Variants in MB21D2 observed in about 807,000 individuals in gnomAD.
MB21D2 encodes the protein Mab-21 domain containing 2.
MB21D2 carries 9 observed loss-of-function variants against 33.3 expected under a neutral mutation model. The ratio of observed to expected loss-of-function variants is 0.27; its 90% CI spans 0.16 to 0.47. MB21D2 has a LOEUF of 0.47. Ranked by LOEUF, MB21D2 falls within the 20% of genes least tolerant of loss-of-function variation. The pLI, the probability that MB21D2 is intolerant of heterozygous loss-of-function variation, is 0.99. For synonymous variants in MB21D2, 241 were observed against 236.3 expected (o/e 1.02, Z -0.18); for missense variants, 540 against 624.6 (o/e 0.86, Z 1.44).
chr3:192,803,440 CA>C (rs1181157788), intron 1 of MB21D2, among the ~76,000 whole-genome samples: 1 of 152,108 alleles, frequency 6.6e-6, no homozygotes, highest in African/African-American at 2.4e-5. Flanking sequence ...CTATAAGAAA[CA>C]AAGTCCCTAA....
At chr3:192,851,576 C>A (rs1207962660) in intron 1 of MB21D2, among the ~76,000 whole-genome samples, 4 of 134,956 alleles carry the variant, frequency 3.0e-5, no homozygotes, top group Non-Finnish European at 4.6e-5. Context: ...CTCACTGAAA[C>A]CTCCGTCTCC....
intron 1 of MB21D2, among the ~76,000 whole-genome samples, chr3:192,815,293 C>T (rs1401500280): frequency 6.6e-6 from 1 of 152,158 alleles, no homozygotes; most frequent in Non-Finnish European, 1.5e-5. Flanking sequence ...GGTGACACAG[C>T]ACTGAACCTG....
chr3:192,870,058 A>G (rs1038708915), intron 1 of MB21D2, among the ~76,000 whole-genome samples: 1 of 152,238 alleles, frequency 6.6e-6, no homozygotes, highest in African/African-American at 2.4e-5. Flanking sequence ...GCTAATAATT[A>G]TCATCATGAA....
chr3:192,815,404 G>T (rs1017457393), intron 1 of MB21D2, among the ~76,000 whole-genome samples: 1 of 152,126 alleles, frequency 6.6e-6, no homozygotes, highest in Non-Finnish European at 1.5e-5. Context: ...AAAAATGCAG[G>T]TTCCCATGTC....
At chr3:192,809,317 A>G (rs996185771) in intron 1 of MB21D2, among the ~76,000 whole-genome samples, 1 of 152,172 alleles carries the variant, frequency 6.6e-6, no homozygotes, top group African/African-American at 2.4e-5. Context: ...GATGGTCTGG[A>G]TCTTTTGACC....
chr3:192,843,800 T>C (rs1286300689), intron 1 of MB21D2, among the ~76,000 whole-genome samples: 1 of 152,156 alleles, frequency 6.6e-6, no homozygotes, highest in Non-Finnish European at 1.5e-5. Flanking sequence ...TCCTCTTCTT[T>C]GCCAACCTGT....
chr3:192,809,767 A>G (rs145842008), intron 1 of MB21D2, among the ~76,000 whole-genome samples: 28 of 152,342 alleles, frequency 1.8e-4, no homozygotes, highest in African/African-American at 6.3e-4. Context: ...TTATAAAAAG[A>G]TACTTAGTGC....
At chr3:192,916,251 G>C (rs1027313943) in intron 1 of MB21D2, among the ~76,000 whole-genome samples, 1 of 152,052 alleles carries the variant, frequency 6.6e-6, no homozygotes, top group Admixed American at 6.5e-5. Context: ...GTTTTAACAT[G>C]TTTCATCTAA....
intron 1 of MB21D2, among the ~76,000 whole-genome samples, chr3:192,907,834 A>G (rs538121009): frequency 1.6e-4 from 25 of 152,264 alleles, no homozygotes; most frequent in African/African-American, 6.0e-4. Flanking sequence ...AATGAGAAAG[A>G]TAACGTGTGC....
intron 1 of MB21D2, among the ~76,000 whole-genome samples, chr3:192,915,644 C>T (rs1310817073): frequency 6.6e-6 from 1 of 152,192 alleles, no homozygotes; most frequent in Admixed American, 6.5e-5. Flanking sequence ...TCTAGTTTAC[C>T]TGTCAACACA....
chr3:192,886,560 T>C (rs1014131934), intron 1 of MB21D2, among the ~76,000 whole-genome samples: 3 of 152,142 alleles, frequency 2.0e-5, no homozygotes, highest in Admixed American at 1.3e-4. Context: ...CATTCCACTC[T>C]GCTGTCATTT....
chr3:192,825,401 A>C (rs946829240), intron 1 of MB21D2, among the ~76,000 whole-genome samples: 8 of 152,214 alleles, frequency 5.3e-5, no homozygotes, highest in Non-Finnish European at 7.3e-5. Context: ...TGGAGTATGG[A>C]AGAGGCCTCA....
At chr3:192,866,110 C>G (rs1019310693) in intron 1 of MB21D2, among the ~76,000 whole-genome samples, 2 of 151,864 alleles carry the variant, frequency 1.3e-5, no homozygotes, top group Non-Finnish European at 2.9e-5. Context: ...GAAATGAACT[C>G]ATCAGAAACT....
At chr3:192,894,115 T>C (rs188253101) in intron 1 of MB21D2, among the ~76,000 whole-genome samples, 3 of 152,126 alleles carry the variant, frequency 2.0e-5, no homozygotes, top group Admixed American at 6.5e-5. Context: ...CAGCAAATTT[T>C]TGTTGTTTTT....
At chr3:192,830,759 C>T (rs1712298341) in intron 1 of MB21D2, among the ~76,000 whole-genome samples, 1 of 152,162 alleles carries the variant, frequency 6.6e-6, no homozygotes, top group African/African-American at 2.4e-5. Context: ...ATCATCTGCT[C>T]GCTAGCATGA....
chr3:192,868,961 TTAGG>T (rs1165028835), intron 1 of MB21D2, among the ~76,000 whole-genome samples: 2 of 152,100 alleles, frequency 1.3e-5, no homozygotes, highest in Non-Finnish European at 2.9e-5. Flanking sequence ...CATTAAGTAA[TTAGG>T]TAGGCCACAG....
At chr3:192,827,082 G>A (rs1712189961) in intron 1 of MB21D2, among the ~76,000 whole-genome samples, 1 of 151,966 alleles carries the variant, frequency 6.6e-6, no homozygotes, top group Non-Finnish European at 1.5e-5. Flanking sequence ...TTTTTTAGTA[G>A]AGACGGGGTT....
chr3:192,845,752 T>C (rs1342031168), intron 1 of MB21D2, among the ~76,000 whole-genome samples: 1 of 152,140 alleles, frequency 6.6e-6, no homozygotes, highest in Non-Finnish European at 1.5e-5. Flanking sequence ...TCCACATTAT[T>C]TTATGCTCTA....
chr3:192,855,813 C>T (rs1043494294), intron 1 of MB21D2, among the ~76,000 whole-genome samples: 5 of 152,218 alleles, frequency 3.3e-5, no homozygotes, highest in Non-Finnish European at 7.3e-5. Context: ...TGGCTCATGC[C>T]TGTAATCCCA....
Sources: gnomAD v4.1 joint callset for allele counts (sites outside exome capture counted in the v4.1 genomes callset) on GRCh38, gnomAD v4.1.1 for gene constraint, MANE v1.5 for transcripts, NCBI Gene and HGNC (gene_info 2026-07-23, HGNC 2026-07-21) for gene names.